SMYD3: variants seen among roughly 807,000 people sequenced by gnomAD.
SMYD3 encodes the protein histone-lysine N-methyltransferase SMYD3.
SMYD3 carries 36 observed loss-of-function variants against 57.7 expected under a neutral mutation model. The ratio of observed to expected loss-of-function variants is 0.62; its 90% CI spans 0.48 to 0.82. SMYD3 has a LOEUF of 0.82. Ranked by LOEUF, SMYD3 falls within the 40% of genes least tolerant of loss-of-function variation. The pLI, the probability that SMYD3 is intolerant of heterozygous loss-of-function variation, is 0.00. For synonymous variants in SMYD3, 211 were observed against 195.0 expected, an observed-to-expected ratio of 1.08 and a Z score of -0.68; for missense variants, 515 against 538.8, an observed-to-expected ratio of 0.96 and a Z score of 0.44.
chr1:246,233,515 A>G (rs371651188), intron 5 of SMYD3, among the ~76,000 whole-genome samples: 2 of 133,878 alleles, frequency 1.5e-5, no homozygotes, highest in Admixed American at 7.7e-5. Flanking sequence ...TGATGAACAT[A>G]TACCACACAG....
chr1:246,110,566 C>T (rs2061216325), intron 5 of SMYD3, among the ~76,000 whole-genome samples: 1 of 152,200 alleles, frequency 6.6e-6, no homozygotes, highest in African/African-American at 2.4e-5. Flanking sequence ...CCTCTGAGCG[C>T]AAGCAAGCTG....
chr1:246,136,234 T>C (rs2061663804), intron 5 of SMYD3, among the ~76,000 whole-genome samples: 1 of 152,184 alleles, frequency 6.6e-6, no homozygotes, highest in South Asian at 2.1e-4. Flanking sequence ...CCTTGATTTG[T>C]GGTTATTATC....
chr1:245,899,332 CTT>C (rs1314446612), intron 8 of SMYD3, among the ~76,000 whole-genome samples: 2 of 151,950 alleles, frequency 1.3e-5, no homozygotes, highest in African/African-American at 2.4e-5. Flanking sequence ...CAAATAGAAA[CTT>C]AAAAATACAA....
chr1:246,072,791 G>A (rs768128994), intron 5 of SMYD3, among the ~76,000 whole-genome samples: 1 of 139,596 alleles, frequency 7.2e-6, no homozygotes, highest in Non-Finnish European at 1.5e-5. Context: ...CTTTCTCTCT[G>A]AGAGATGAGA....
At chr1:245,973,603 C>G (rs2058353931) in intron 5 of SMYD3, among the ~76,000 whole-genome samples, 1 of 152,192 alleles carries the variant, frequency 6.6e-6, no homozygotes, top group South Asian at 2.1e-4. Flanking sequence ...AGAGAGCAAA[C>G]ATACCAAAGA....
At chr1:245,773,897 T>C (rs941836275) in intron 10 of SMYD3, among the ~76,000 whole-genome samples, 2 of 152,192 alleles carry the variant, frequency 1.3e-5, no homozygotes, top group African/African-American at 2.4e-5. Context: ...TTCAGATCAT[T>C]CCTCAAGAAA....
intron 10 of SMYD3, among the ~76,000 whole-genome samples, chr1:245,787,428 G>C (rs1002375592): frequency 2.6e-5 from 4 of 152,094 alleles, no homozygotes; most frequent in African/African-American, 9.7e-5. Flanking sequence ...AGTAAGCATC[G>C]TTTGTCTTTA....
intron 1 of SMYD3, among the ~76,000 whole-genome samples, chr1:246,413,352 G>A (rs1056626672): frequency 6.6e-6 from 1 of 151,974 alleles, no homozygotes; most frequent in South Asian, 2.1e-4. Context: ...CGGCACTCTC[G>A]GATAGAATTA....
At chr1:246,395,633 GAACACACCACA>G (rs2066649480) in intron 1 of SMYD3, among the ~76,000 whole-genome samples, 1 of 30,468 alleles carries the variant, frequency 3.3e-5, no homozygotes, top group African/African-American at 1.5e-4. Flanking sequence ...CAGGGAAGAC[GAACACACCACA>G]GTCAGACAGG....
chr1:246,291,162 A>T (rs1426576395), intron 5 of SMYD3, among the ~76,000 whole-genome samples: 1 of 152,246 alleles, frequency 6.6e-6, no homozygotes, highest in Non-Finnish European at 1.5e-5. Flanking sequence ...CATCAGTTAC[A>T]AATTATGTAT....
intron 5 of SMYD3, among the ~76,000 whole-genome samples, chr1:246,023,807 CTGTG>C (rs201726897): frequency 0.02 from 2,767 of 139,566 alleles, 36 homozygotes; most frequent in Admixed American, 0.027. Flanking sequence ...TATTACAAAA[CTGTG>C]TGTGTGTGTG....
chr1:246,450,735 C>G (rs1366597325), intron 1 of SMYD3, among the ~76,000 whole-genome samples: 1 of 152,170 alleles, frequency 6.6e-6, no homozygotes, highest in Non-Finnish European at 1.5e-5. Context: ...GATTATTAAA[C>G]AAAGGAAGCA....
intron 5 of SMYD3, among the ~76,000 whole-genome samples, chr1:245,960,934 GAAGGCCA>G (rs913176512): frequency 2.0e-5 from 3 of 152,150 alleles, no homozygotes; most frequent in African/African-American, 7.2e-5. Flanking sequence ...CAGGAAGGCC[GAAGGCCA>G]AAGGTCTCTT....
At chr1:246,363,358 C>T (rs1169776407) in intron 1 of SMYD3, among the ~76,000 whole-genome samples, 9 of 151,792 alleles carry the variant, frequency 5.9e-5, no homozygotes, top group African/African-American at 1.9e-4. Flanking sequence ...CGCCTCTGCC[C>T]GGCCGCCCCT....
At chr1:246,353,047 C>G (rs952941734) in intron 2 of SMYD3, among the ~76,000 whole-genome samples, 1 of 152,102 alleles carries the variant, frequency 6.6e-6, no homozygotes, top group Non-Finnish European at 1.5e-5. Context: ...CACCATAAAC[C>G]AAGCTTTCTG....
intron 5 of SMYD3, among the ~76,000 whole-genome samples, chr1:246,298,557 G>T (rs2148608881): frequency 6.6e-6 from 1 of 152,142 alleles, no homozygotes; most frequent in South Asian, 2.1e-4. Context: ...CAAGATGGAG[G>T]TTTTGTACTA....
chr1:246,132,476 G>A (rs1050771192), intron 5 of SMYD3, among the ~76,000 whole-genome samples: 2 of 151,984 alleles, frequency 1.3e-5, no homozygotes, highest in African/African-American at 4.8e-5. Context: ...GGATGCTTAC[G>A]TTACACCATA....
At chr1:246,428,841 G>A (rs1232477563) in intron 1 of SMYD3, among the ~76,000 whole-genome samples, 2 of 142,892 alleles carry the variant, frequency 1.4e-5, no homozygotes, top group Non-Finnish European at 3.1e-5. Context: ...CTGCTGCCTC[G>A]TGATGGCTTC....
intron 10 of SMYD3, among the ~76,000 whole-genome samples, chr1:245,831,039 C>T (rs1191930024): frequency 2.0e-5 from 3 of 152,138 alleles, no homozygotes; most frequent in Admixed American, 6.5e-5. Context: ...CCAAACTTCA[C>T]GTACCTCTTT....
Sources: allele counts gnomAD v4.1 joint callset (sites outside exome capture counted in the v4.1 genomes callset), GRCh38; gene constraint gnomAD v4.1.1; transcripts MANE v1.5; gene names NCBI Gene and HGNC (gene_info 2026-07-23, HGNC 2026-07-21).